KCNH7: variants seen among roughly 807,000 people sequenced by gnomAD.
KCNH7 encodes the protein potassium voltage-gated channel subfamily H member 7.
KCNH7 carries 49 observed loss-of-function variants against 120.8 expected under a neutral mutation model. The ratio of observed to expected loss-of-function variants is 0.41; its 90% confidence interval spans 0.32 to 0.51. The LOEUF is 0.51. Among genes scored for constraint, KCNH7 ranks in the 20% least tolerant of loss-of-function variants. The pLI is 0.38. For missense variants in KCNH7, 1,097 were observed against 1,446.6 expected (o/e 0.76, Z 3.92); for synonymous variants, 547 against 516.1 (o/e 1.06, Z -0.81).
At chr2:162,620,567 C>T (rs1273323961) in intron 2 of KCNH7, among the ~76,000 whole-genome samples, 1 of 151,910 alleles carries the variant, frequency 6.6e-6, no homozygotes, top group Non-Finnish European at 1.5e-5. Context: ...ATGTCATTTC[C>T]CCAAGCCCCT....
intron 2 of KCNH7, among the ~76,000 whole-genome samples, chr2:162,656,888 A>G (rs557762883): frequency 4.6e-5 from 7 of 152,222 alleles, no homozygotes; most frequent in Admixed American, 3.3e-4. Context: ...ACTACAGATA[A>G]GAAAAATGAG....
chr2:162,684,226 G>T (rs1042702852), intron 2 of KCNH7, among the ~76,000 whole-genome samples: 3 of 151,922 alleles, frequency 2.0e-5, no homozygotes, highest in Non-Finnish European at 4.4e-5. Flanking sequence ...TTAAACTTAA[G>T]ACCTAAAACC....
intron 2 of KCNH7, among the ~76,000 whole-genome samples, chr2:162,688,643 T>C (rs932274604): frequency 6.6e-6 from 1 of 152,134 alleles, no homozygotes; most frequent in Non-Finnish European, 1.5e-5. Flanking sequence ...GAATCAGGTA[T>C]GCATAAAAAT....
chr2:162,404,526 A>G (rs1454535259), intron 9 of KCNH7, among the ~76,000 whole-genome samples: 1 of 151,890 alleles, frequency 6.6e-6, no homozygotes, highest in Non-Finnish European at 1.5e-5. Context: ...TGCTGTCTTC[A>G]TGATAGCAAG....
At position 162,504,648 on chromosome 2, in the gene KCNH7, T is replaced by A. The variant is rs41268653; in HGVS notation, c.923A>T (p.Asn308Ile). 9,388 of 1,606,516 alleles carry A rather than the reference T, an allele frequency of 5.8e-3. 43 individuals are homozygous for A. Among genetic ancestry groups the A allele is most frequent in the Non-Finnish European group, 6.9e-3 (8,074 of 1,174,296 alleles). ...DNGRNVKGPF[N>I]HIKSSLLGST... ...TCCCAGGAGGCTTGACTTGATATGA[T>A]TAAAAGGCCCTAAAAAAATGGAAAG... is the stretch of plus-strand genomic sequence containing the variant. The change falls in exon 6 of 16, where the codon AAT (asparagine) becomes ATT (isoleucine). Residue 308 changes from asparagine (N) to isoleucine (I), a missense_variant. Asn to Ile is a moderately radical substitution (Grantham distance 149). Transcript: ENST00000332142.
At chr2:162,582,631 C>G (rs1190106932) in intron 2 of KCNH7, among the ~76,000 whole-genome samples, 1 of 152,062 alleles carries the variant, frequency 6.6e-6, no homozygotes, top group Non-Finnish European at 1.5e-5. Flanking sequence ...CCCTATTTGC[C>G]TTGGCACTGT....
intron 9 of KCNH7, among the ~76,000 whole-genome samples, chr2:162,416,082 G>A (rs1687534457): frequency 6.6e-6 from 1 of 152,074 alleles, no homozygotes; most frequent in African/African-American, 2.4e-5. Context: ...GGTGTTGCCT[G>A]CTATTAAATA....
chr2:162,741,277 TATTA>T (rs1688122817), intron 2 of KCNH7, among the ~76,000 whole-genome samples: 1 of 149,642 alleles, frequency 6.7e-6, no homozygotes, highest in Non-Finnish European at 1.5e-5. Flanking sequence ...TAACATATGT[TATTA>T]GTTATACATA....
intron 2 of KCNH7, among the ~76,000 whole-genome samples, chr2:162,538,484 T>C (rs1692188958): frequency 6.6e-6 from 1 of 151,964 alleles, no homozygotes; most frequent in Non-Finnish European, 1.5e-5. Flanking sequence ...GACGGAAATG[T>C]GAGCAAGTGC....
intron 2 of KCNH7, among the ~76,000 whole-genome samples, chr2:162,727,126 C>T (rs1028646492): frequency 1.3e-5 from 2 of 152,198 alleles, no homozygotes; most frequent in Non-Finnish European, 2.9e-5. Context: ...ATCTATGTCT[C>T]TTTCTCCCAT....
chr2:162,688,503 G>A (rs1043688983), intron 2 of KCNH7, among the ~76,000 whole-genome samples: 11 of 152,056 alleles, frequency 7.2e-5, no homozygotes, highest in Non-Finnish European at 1.6e-4. Context: ...GTAATCATGT[G>A]GCTGGCACAT....
intron 3 of KCNH7, among the ~76,000 whole-genome samples, chr2:162,531,281 A>G (rs942798804): frequency 6.6e-6 from 1 of 152,012 alleles, no homozygotes; most frequent in South Asian, 2.1e-4. Context: ...CAAGGTTTCA[A>G]TTCTCCATTT....
chr2:162,611,239 C>T (rs1310715840), intron 2 of KCNH7, among the ~76,000 whole-genome samples: 1 of 152,150 alleles, frequency 6.6e-6, no homozygotes, highest in Non-Finnish European at 1.5e-5. Context: ...ACATAGTATT[C>T]CCTAGCCAAA....
At chr2:162,436,423 G>A (rs1460530485) in intron 7 of KCNH7, among the ~76,000 whole-genome samples, 1 of 152,128 alleles carries the variant, frequency 6.6e-6, no homozygotes, top group Non-Finnish European at 1.5e-5. Flanking sequence ...TTTTGGCTAT[G>A]ATATGTGTAA....
intron 2 of KCNH7, among the ~76,000 whole-genome samples, chr2:162,826,110 A>C (rs1685278273): frequency 6.6e-6 from 1 of 152,122 alleles, no homozygotes. Flanking sequence ...TACAGGCCTT[A>C]CAATCTCAAC....
intron 2 of KCNH7, among the ~76,000 whole-genome samples, chr2:162,827,812 A>G (rs1417798427): frequency 6.6e-6 from 1 of 152,138 alleles, no homozygotes; most frequent in African/African-American, 2.4e-5. Context: ...CTGAACCTCA[A>G]TTTAACTTAT....
intron 9 of KCNH7, among the ~76,000 whole-genome samples, chr2:162,411,637 T>G (rs1443615359): frequency 2.0e-5 from 3 of 151,878 alleles, no homozygotes; most frequent in African/African-American, 7.3e-5. Context: ...TAAAAATAAT[T>G]ACAAAAATCT....
rs775398263 is a variant in KCNH7, at chr2:162,396,893, C to T, written c.2460G>A (p.Lys820=). Residue 820 remains lysine (K), a synonymous_variant, in exon 11 of 16, where the codon AAG becomes AAA. Coordinates refer to ENST00000332142, the MANE Select transcript of KCNH7 (RefSeq NM_033272.4). The part of the protein sequence containing the change: ...EMVHLYAKPG[K]SNADVRALTY... ...TGAGGGCTCTTACATCTGCATTAGA[C>T]TTTCCAGGTTTGGCATAAAGATGAA... 1.2e-6 allele frequency: 2 copies of T among 1,611,470 alleles called. No homozygotes were observed. The highest frequency in any genetic ancestry group is 1.7e-6 in the Non-Finnish European group (2 of 1,178,410).
chr2:162,683,229 T>C (rs546918441), intron 2 of KCNH7, among the ~76,000 whole-genome samples: 27 of 152,024 alleles, frequency 1.8e-4, no homozygotes, highest in African/African-American at 5.8e-4. Context: ...CCTCTTTGTG[T>C]AGCAAATCAG....
Sources: gnomAD v4.1 joint callset for allele counts (sites outside exome capture counted in the v4.1 genomes callset) on GRCh38, gnomAD v4.1.1 for gene constraint, MANE v1.5 for transcripts, NCBI Gene and HGNC (gene_info 2026-07-23, HGNC 2026-07-21) for gene names.